KIAA0319L: variants seen among roughly 807,000 people sequenced by gnomAD.
KIAA0319L encodes dyslexia-associated protein KIAA0319-like protein.
KIAA0319L carries 55 observed loss-of-function variants against 120.1 expected under a neutral mutation model. The ratio of observed to expected loss-of-function variants is 0.46; its 90% CI spans 0.37 to 0.57. KIAA0319L has a LOEUF of 0.57. Ranked by LOEUF, KIAA0319L falls within the 20% of genes least tolerant of loss-of-function variation. The pLI is 0.00. For synonymous variants in KIAA0319L, 398 were observed against 471.9 expected (o/e 0.84, Z 2.03); for missense variants, 1,049 against 1,255.3 (o/e 0.84, Z 2.48).
chr1:35,507,845 A>G (rs1001851754), intron 2 of KIAA0319L, among the ~76,000 whole-genome samples: 2 of 152,190 alleles, frequency 1.3e-5, no homozygotes, highest in African/African-American at 4.8e-5. Flanking sequence ...AAATAATGGA[A>G]CCTAAGTACA....
chr1:35,548,408 T>G (rs531800234), intron 2 of KIAA0319L, among the ~76,000 whole-genome samples: 1 of 152,302 alleles, frequency 6.6e-6, no homozygotes, highest in East Asian at 1.9e-4. Context: ...TATAGTATAT[T>G]TAATACAGTA....
At chr1:35,477,666 C>CAAAAAA (rs34588440) in intron 4 of KIAA0319L, among the ~76,000 whole-genome samples, 4 of 55,572 alleles carry the variant, frequency 7.2e-5, no homozygotes, top group African/African-American at 1.0e-4. Flanking sequence ...GACTCTGTCT[C>CAAAAAA]AAAAAAAAAA....
chr1:35,454,290 C>A, intron 11 of KIAA0319L, 72 bp downstream of exon 11: 1 of 1,559,970 alleles, frequency 6.4e-7, no homozygotes, highest in South Asian at 1.1e-5. Flanking sequence ...AGCTCAGAAC[C>A]CAACACTCTT....
intron 14 of KIAA0319L, 132 bp downstream of exon 14, chr1:35,450,226 C>T: frequency 9.1e-7 from 1 of 1,102,362 alleles, no homozygotes; most frequent in Non-Finnish European, 1.3e-6. Flanking sequence ...AAGCAAGTCA[C>T]TTCACCTCCC....
chr1:35,461,621 A>G (rs747703993), intron 8 of KIAA0319L, among the ~76,000 whole-genome samples: 4 of 152,248 alleles, frequency 2.6e-5, no homozygotes, highest in Non-Finnish European at 4.4e-5. Context: ...TCATAAAATA[A>G]TAACACCATT....
intron 3 of KIAA0319L, among the ~76,000 whole-genome samples, chr1:35,497,977 T>A (rs1189739092): frequency 6.6e-6 from 1 of 152,240 alleles, no homozygotes; most frequent in African/African-American, 2.4e-5. Flanking sequence ...TTCAAAAATT[T>A]ATGTACTGTA....
chr1:35,485,507 G>T (rs545102267), intron 3 of KIAA0319L, among the ~76,000 whole-genome samples: 1 of 152,256 alleles, frequency 6.6e-6, no homozygotes, highest in South Asian at 2.1e-4. Flanking sequence ...CTTTTTATTG[G>T]GTTCCCTTGG....
Position 35,493,855 on chromosome 1 carries a change from A to G in KIAA0319L, c.666+12757T>C, listed in dbSNP as rs373702259. On this transcript the variant is annotated intron_variant, in intron 3 of 20. Transcript: ENST00000325722. ...GTGAGACCCTATCTCAAACAAACAA[A>G]CAAACAAACAAACAAAAAGATCTGT... Among the ~76,000 whole-genome samples the G allele has an allele frequency of 5.3e-4, 80 of 152,194 alleles. 1 individual carries two copies. Among genetic ancestry groups the G allele is most frequent in the African/African-American group, 1.9e-3 (78 of 41,534 alleles).
At chr1:35,529,394 T>C (rs574443556) in intron 2 of KIAA0319L, among the ~76,000 whole-genome samples, 1 of 152,360 alleles carries the variant, frequency 6.6e-6, no homozygotes, top group East Asian at 1.9e-4. Flanking sequence ...GTGCTTGCTC[T>C]ATTAGTTAGT....
Position 35,453,747 on chromosome 1 carries a change from A to G in KIAA0319L, c.1781-58T>C. On this transcript the variant is annotated intron_variant, in intron 11 of 20. Transcript: ENST00000325722. This position sits in a 1 kb window ranked among gnomAD's most constrained non-coding sequence, Gnocchi z 4.1. ...CCAGTCCAGGTGGGAAAGGAGAGGA[A>G]CCAATTGGGACACATGTTCTGGAAG... The G allele has an allele frequency of 6.5e-7, 1 of 1,533,186 alleles. No individual in the cohort carries two copies. Among genetic ancestry groups the G allele is most frequent in the Non-Finnish European group, 8.9e-7 (1 of 1,128,256 alleles). 95.0% of individuals were successfully genotyped at this position (1,533,186 alleles called of 1,614,324 possible). A position where few individuals can be genotyped will look rare whatever the true frequency, so the allele number is the denominator to read the frequency against.
intron 2 of KIAA0319L, among the ~76,000 whole-genome samples, chr1:35,522,462 T>C (rs897635118): frequency 1.3e-5 from 2 of 151,836 alleles, no homozygotes; most frequent in Non-Finnish European, 2.9e-5. Context: ...GTATTTTTAG[T>C]AGAGACAGGG....
At position 35,507,085 on chromosome 1, in the gene KIAA0319L, G is replaced by T; in HGVS notation, c.193C>A (p.Leu65Met). The change falls in exon 3 of 21, where the codon CTG (leucine) becomes ATG (methionine). Residue 65 changes from leucine (L) to methionine (M), a missense_variant. Coordinates refer to ENST00000325722, the MANE Select transcript of KIAA0319L (RefSeq NM_024874.5). Reference protein sequence around the residue: ...QQGKTQFGVGLRSGGENHLWL... With the variant: ...QQGKTQFGVGMRSGGENHLWL... ...AGGTGATTTTCTCCCCCAGATCTCAGGCCAACTCCAAATTGTGTCTTCCCC... is the reference window on the plus strand; with the variant it reads ...AGGTGATTTTCTCCCCCAGATCTCATGCCAACTCCAAATTGTGTCTTCCCC... 1 of 1,551,318 alleles carries T rather than the reference G, an allele frequency of 6.4e-7. No homozygotes were observed. Among genetic ancestry groups the T allele is most frequent in the Non-Finnish European group, 8.7e-7 (1 of 1,150,424 alleles).
Position 35,434,990 on chromosome 1 carries a change from G to A in KIAA0319L, c.3054C>T (p.Asp1018=). The change falls in exon 21 of 21, where the codon GAC becomes GAT. Residue 1018 remains aspartate, a synonymous_variant. Coordinates refer to ENST00000325722, the MANE Select transcript of KIAA0319L (RefSeq NM_024874.5). Reference sequence around the variant, plus strand: ...CATGCAGGAGTTTGCCCTTCTCTCGGTCTGGCCATGTAAAGATGGCATCAT... The same window carrying A: ...CATGCAGGAGTTTGCCCTTCTCTCGATCTGGCCATGTAAAGATGGCATCAT... The part of the protein sequence containing the change: ...DSDDAIFTWP[D]REKGKLLHGQ... 13 of 1,614,192 alleles carry A rather than the reference G, an allele frequency of 8.1e-6. No homozygotes were observed. Among genetic ancestry groups the A allele is most frequent in the Non-Finnish European group, 1.1e-5 (13 of 1,180,030 alleles).
At chr1:35,481,505 G>A (rs1352954892) in intron 3 of KIAA0319L, among the ~76,000 whole-genome samples, 1 of 152,052 alleles carries the variant, frequency 6.6e-6, no homozygotes, top group Non-Finnish European at 1.5e-5. Flanking sequence ...TATCACTGAT[G>A]ACTTTCCTGA....
At chr1:35,536,987 T>C (rs2148482597) in intron 2 of KIAA0319L, among the ~76,000 whole-genome samples, 1 of 152,268 alleles carries the variant, frequency 6.6e-6, no homozygotes, top group African/African-American at 2.4e-5. Context: ...CTCTGGAGAA[T>C]GCTGTCAGCA....
At chr1:35,450,744 G>A (rs935738708) in intron 13 of KIAA0319L, among the ~76,000 whole-genome samples, 5 of 152,178 alleles carry the variant, frequency 3.3e-5, no homozygotes, top group Non-Finnish European at 7.3e-5. Flanking sequence ...GAGGGGACGA[G>A]TGTGCTTTCC....
rs1422906692 is a variant in KIAA0319L at position 35,453,080 on chromosome 1, C to T, written c.1913+477G>A. ...GAATTATTTTGATTACCGCCTTTGG[C>T]CTCTGGCTAACTTAATTGGTAAATG... On this transcript the variant is annotated intron_variant, in intron 12 of 20. Transcript: ENST00000325722. This position sits in a 1 kb window ranked among gnomAD's most constrained non-coding sequence, Gnocchi z 4.1. Among the ~76,000 whole-genome samples the T allele has an allele frequency of 6.6e-6, 1 of 152,192 alleles. No homozygotes were observed. Among genetic ancestry groups the T allele is most frequent in the African/African-American group, 2.4e-5 (1 of 41,442 alleles).
chr1:35,465,038 G>T (rs1047182953), intron 7 of KIAA0319L, among the ~76,000 whole-genome samples: 2 of 152,244 alleles, frequency 1.3e-5, no homozygotes, highest in African/African-American at 4.8e-5. Flanking sequence ...CAGAGGCGGG[G>T]CTCTCATGGA....
intron 3 of KIAA0319L, among the ~76,000 whole-genome samples, chr1:35,501,548 C>T (rs1645005229): frequency 6.6e-6 from 1 of 152,116 alleles, no homozygotes; most frequent in South Asian, 2.1e-4. Context: ...CCTCCTCATC[C>T]CAAGTCCTAC....
Sources: gnomAD v4.1 joint callset for allele counts (sites outside exome capture counted in the v4.1 genomes callset) on GRCh38, gnomAD v4.1.1 for gene constraint, Gnocchi (gnomAD v3.1) non-coding constraint, MANE v1.5 for transcripts, NCBI Gene and HGNC (gene_info 2026-07-23, HGNC 2026-07-21) for gene names.